Variants in HTT observed in about 807,000 individuals in gnomAD.
HTT encodes huntington disease protein.
In HTT, 104 loss-of-function variants were observed where a neutral mutation model predicts 362.3. That is an observed-to-expected ratio of 0.29 (90% CI 0.24 to 0.34). The LOEUF is 0.34. Among genes scored for constraint, HTT ranks in the 10% least tolerant of loss-of-function variants. The probability of loss-of-function intolerance (pLI) is 1.00; values close to 1 mark genes in which losing one functional copy is unlikely to be tolerated. For synonymous variants in HTT, 1,577 were observed against 1,548.7 expected, an observed-to-expected ratio of 1.02 and a Z score of -0.43; for missense variants, 3,301 against 3,928.6, an observed-to-expected ratio of 0.84 and a Z score of 4.27.
chr4:3,109,329 C>T lies in HTT; in HGVS notation c.747+1906C>T, dbSNP rs574706086. ...ACAACCTCTGTCTCCCGGGTTCAAG[C>T]GATTCTCCTGCCTCAGCCTCCTAGT... On this transcript the variant is annotated intron_variant, in intron 6 of 66. Coordinates refer to ENST00000355072, the MANE Select transcript of HTT (RefSeq NM_001388492.1). Among the ~76,000 whole-genome samples, 6 of 138,862 alleles carry T rather than the reference C, an allele frequency of 4.3e-5. No individual in the cohort carries two copies. The South Asian group carries it at 6.6e-4, about 15-fold the overall frequency. The allele number at this position is 138,862 out of a possible 152,430, so 91.1% of individuals were successfully genotyped here. A position where few individuals can be genotyped will look rare whatever the true frequency, so the allele number is the denominator to read the frequency against.
intron 3 of HTT, among the ~76,000 whole-genome samples, chr4:3,101,209 A>AT (rs1477361469): frequency 8.6e-5 from 13 of 151,736 alleles, no homozygotes; most frequent in Non-Finnish European, 1.9e-4. Context: ...AACCTCCTTC[A>AT]TTTTTTTTCC....
intron 52 of HTT, among the ~76,000 whole-genome samples, chr4:3,219,722 A>G (rs1720589415): frequency 6.6e-6 from 1 of 152,156 alleles, no homozygotes; most frequent in African/African-American, 2.4e-5. Flanking sequence ...TGTGCATGGC[A>G]CTTGTCTGAG....
chr4:3,213,831 G>A (rs1720271953), intron 49 of HTT, 127 bp from the exon 50 acceptor site: 2 of 734,132 alleles, frequency 2.7e-6, no homozygotes, highest in Non-Finnish European at 4.2e-6. Flanking sequence ...CTGTCCTTCT[G>A]GAAGGGCAAG....
intron 2 of HTT, among the ~76,000 whole-genome samples, chr4:3,093,905 G>GTTTTTTTTTTTTTTTTTTTTTTTTTTT (rs67455911): frequency 4.2e-5 from 1 of 23,900 alleles, no homozygotes; most frequent in Non-Finnish European, 7.1e-5. Context: ...CTTTAAGTTG[G>GTTTTTTTTTTTTTTTTTTTTTTTTTTT]TTTTTTTTTT....
At chr4:3,169,054 T>C (rs1717847406) in intron 29 of HTT, among the ~76,000 whole-genome samples, 1 of 143,302 alleles carries the variant, frequency 7.0e-6, no homozygotes, top group East Asian at 1.9e-4. Flanking sequence ...TGTCTCGCTC[T>C]GTCGCCTGCG....
At chr4:3,087,610 G>A (rs753111379) in intron 2 of HTT, among the ~76,000 whole-genome samples, 30 of 152,098 alleles carry the variant, frequency 2.0e-4, no homozygotes, top group Non-Finnish European at 3.5e-4. Flanking sequence ...AGCTGTAGAT[G>A]GTAAATATAT....
rs1432072486 is a variant in HTT, at chr4:3,209,939, T to C, written c.6404T>C (p.Met2135Thr). Residue 2135 changes from methionine (M) to threonine (T), a missense_variant, in exon 47 of 67, where the codon ATG becomes ACG. Transcript: ENST00000355072. The stretch of plus-strand genomic sequence containing the variant: ...CCTGCTGAAGATATGAATGCCTTCA[T>C]GATGAACTCGGTACGGGGGGAGCAG... The part of the protein sequence containing the change: ...RIPAEDMNAF[M>T]MNSEFNLSLL... 1 of 1,614,020 alleles carries C rather than the reference T, an allele frequency of 6.2e-7. No homozygotes were observed. Among genetic ancestry groups the C allele is most frequent in the Admixed American group, 1.7e-5 (1 of 60,034 alleles).
chr4:3,095,436 G>C (rs1021831873), intron 2 of HTT, among the ~76,000 whole-genome samples: 1 of 152,240 alleles, frequency 6.6e-6, no homozygotes, highest in Non-Finnish European at 1.5e-5. Context: ...TGAGGCAGGA[G>C]AATCAGGTAG....
In HTT at chr4:3,207,368, AAAC is replaced by A; in HGVS notation, c.6152+13_6152+15del. On this transcript the variant is annotated intron_variant, in intron 45 of 66. Transcript: ENST00000355072. ...CGGGCTCGCTCAGAGGTAATGCTGG[AAAC>A]ACAGGTCGTCCTTGTGTTAGGACAA... The A allele has an allele frequency of 6.2e-7, 1 of 1,605,876 alleles. No individual in the cohort carries two copies. Among genetic ancestry groups the A allele is most frequent in the South Asian group, 1.1e-5 (1 of 90,046 alleles).
At chr4:3,173,183 CA>C (rs1718073444) in intron 31 of HTT, 52 bp downstream of exon 31, 6 of 1,418,970 alleles carry the variant, frequency 4.2e-6, no homozygotes, top group Non-Finnish European at 6.0e-6. Flanking sequence ...AAAGAGCAAG[CA>C]GGAAATACTT....
rs1321875656 is a variant in HTT at position 3,083,584 on chromosome 4, CACAT to C, written c.264-3353_264-3350del. 7.3e-3 allele frequency among the ~76,000 whole-genome samples: 901 copies of C among 123,234 alleles called. 22 individuals carry two copies. Among genetic ancestry groups the C allele is most frequent in the East Asian group, 0.026 (97 of 3,794 alleles). 80.8% of individuals were successfully genotyped at this position (123,234 alleles called of 152,430 possible). A position where few individuals can be genotyped will look rare whatever the true frequency, so the allele number is the denominator to read the frequency against. On this transcript the variant is annotated intron_variant, in intron 1 of 66. Transcript: ENST00000355072. ...ACACACACACACACACACACACACA[CACAT>C]ATATATGTATATATATGCATTTAGA...
chr4:3,145,053 C>T lies in HTT; in HGVS notation c.3067-99C>T, dbSNP rs962924722. On this transcript the variant is annotated intron_variant, in intron 23 of 66. Transcript: ENST00000355072. ...GTTATCATACACAGATCTCAGTTTT[C>T]TTCTCATTGTTTGTACTTTTTATAA... 2.2e-5 allele frequency: 20 copies of T among 923,624 alleles called. No individual in the cohort carries two copies. The Middle Eastern group carries it at 6.4e-4, about 29-fold the overall frequency. 57.2% of individuals were successfully genotyped at this position (923,624 alleles called of 1,614,324 possible).
chr4:3,225,123 C>G (rs1370813341), intron 56 of HTT, among the ~76,000 whole-genome samples: 1 of 149,168 alleles, frequency 6.7e-6, no homozygotes, highest in East Asian at 2.0e-4. Context: ...GGATGCCCAG[C>G]AGAAAGACAT....
intron 1 of HTT, among the ~76,000 whole-genome samples, chr4:3,086,594 C>G (rs1713222141): frequency 6.6e-6 from 1 of 152,154 alleles, no homozygotes; most frequent in South Asian, 2.1e-4. Context: ...TCCTTTCAGC[C>G]TAGGAGTTTA....
chr4:3,091,588 A>G (rs1386560638), intron 2 of HTT, among the ~76,000 whole-genome samples: 4 of 152,196 alleles, frequency 2.6e-5, no homozygotes, highest in Admixed American at 2.6e-4. Context: ...AAATATCGTT[A>G]AGAAAAACAC....
chr4:3,081,550 CTTTTTT>C (rs770325842), intron 1 of HTT, among the ~76,000 whole-genome samples: 2 of 84,524 alleles, frequency 2.4e-5, no homozygotes, highest in Admixed American at 3.1e-4. Flanking sequence ...GAAAGCATTT[CTTTTTT>C]TTTTTTTTTT....
chr4:3,113,312 T>A (rs747990145), intron 6 of HTT, among the ~76,000 whole-genome samples: 3 of 152,192 alleles, frequency 2.0e-5, no homozygotes, highest in Non-Finnish European at 4.4e-5. Flanking sequence ...TGTGCTTGTC[T>A]ATTTGGACTC....
chr4:3,207,100 C>A, intron 44 of HTT, 117 bp downstream of exon 44: 1 of 1,159,462 alleles, frequency 8.6e-7, no homozygotes, highest in Non-Finnish European at 1.2e-6. Flanking sequence ...CCGATAGAAA[C>A]ATGGAAACAT....
At chr4:3,089,073 G>C (rs752505411) in intron 2 of HTT, among the ~76,000 whole-genome samples, 5 of 152,176 alleles carry the variant, frequency 3.3e-5, no homozygotes, top group Non-Finnish European at 5.9e-5. Context: ...TAGATAAGCT[G>C]TAACGTGTTT....
Sources: gnomAD v4.1 joint callset for allele counts (sites outside exome capture counted in the v4.1 genomes callset) on GRCh38, gnomAD v4.1.1 for gene constraint, MANE v1.5 for transcripts, NCBI Gene and HGNC (gene_info 2026-07-23, HGNC 2026-07-21) for gene names.